KCNIP4: variants seen among roughly 807,000 people sequenced by gnomAD.
KCNIP4 encodes the protein Kv channel-interacting protein 4.
Under a neutral mutation model 34.0 loss-of-function variants are expected in KCNIP4, and 12 were observed. The ratio of observed to expected loss-of-function variants is 0.35; its 90% CI spans 0.23 to 0.57. KCNIP4 has a LOEUF of 0.57. Ranked by LOEUF, KCNIP4 falls within the 20% of genes least tolerant of loss-of-function variation. The pLI is 0.83. For synonymous variants in KCNIP4, 124 were observed against 102.2 expected (o/e 1.21, Z -1.29); for missense variants, 238 against 311.7 (o/e 0.76, Z 1.78).
chr4:21,669,567 T>G (rs1749308560), intron 1 of KCNIP4, among the ~76,000 whole-genome samples: 1 of 152,220 alleles, frequency 6.6e-6, no homozygotes, highest in African/African-American at 2.4e-5. Flanking sequence ...TCAAAAGTTT[T>G]ATGTGGATTT....
chr4:21,905,048 T>C (rs1192949343), intron 1 of KCNIP4, among the ~76,000 whole-genome samples: 2 of 152,238 alleles, frequency 1.3e-5, no homozygotes, highest in African/African-American at 2.4e-5. Context: ...TTCAATATTA[T>C]GCATAAGCAT....
chr4:21,061,138 CT>C lies in KCNIP4; in HGVS notation c.62-178430del, dbSNP rs1743883354. ...AGTACAGTAGATGAATGAAGAGAAA[CT>C]GCTTAACCCCCATTCTCTTAAAGAT... On this transcript the variant is annotated intron_variant, in intron 1 of 8. Transcript: ENST00000382152. Among the ~76,000 whole-genome samples, 4 of 152,134 alleles carry C rather than the reference CT, an allele frequency of 2.6e-5. No homozygotes were observed. In the South Asian group the frequency reaches 8.3e-4, roughly 31 times the overall value.
At chr4:20,798,792 AC>A (rs1365716733) in intron 3 of KCNIP4, among the ~76,000 whole-genome samples, 1 of 152,156 alleles carries the variant, frequency 6.6e-6, no homozygotes, top group African/African-American at 2.4e-5. Flanking sequence ...GCCACTGCAG[AC>A]ACCTGCAGCC....
chr4:21,010,212 G>A (rs1312407432), intron 1 of KCNIP4, among the ~76,000 whole-genome samples: 5 of 152,156 alleles, frequency 3.3e-5, no homozygotes, highest in Admixed American at 2.6e-4. Context: ...AGCACAAGGC[G>A]TCTTCTTTGA....
At chr4:21,685,900 T>G (rs140280854) in intron 1 of KCNIP4, among the ~76,000 whole-genome samples, 2 of 152,344 alleles carry the variant, frequency 1.3e-5, no homozygotes, top group African/African-American at 4.8e-5. Context: ...TTGCATGTAT[T>G]TGGGAACATA....
chr4:21,217,246 A>T (rs1332406104), intron 1 of KCNIP4, among the ~76,000 whole-genome samples: 1 of 152,196 alleles, frequency 6.6e-6, no homozygotes, highest in Non-Finnish European at 1.5e-5. Context: ...TCTCTGTGTC[A>T]GTCCCATAAT....
chr4:21,914,466 T>C (rs541506331), intron 1 of KCNIP4, among the ~76,000 whole-genome samples: 1 of 152,308 alleles, frequency 6.6e-6, no homozygotes, highest in Admixed American at 6.5e-5. Flanking sequence ...ACCAGTGTTC[T>C]GTCAGCCCCT....
intron 1 of KCNIP4, among the ~76,000 whole-genome samples, chr4:21,825,373 A>G (rs541550972): frequency 3.4e-4 from 52 of 152,292 alleles, no homozygotes; most frequent in Non-Finnish European, 5.0e-4. Context: ...TAAGTTTACC[A>G]TGGTAACTGC....
At chr4:21,912,652 A>G (rs1186939493) in intron 1 of KCNIP4, among the ~76,000 whole-genome samples, 1 of 152,146 alleles carries the variant, frequency 6.6e-6, no homozygotes, top group Non-Finnish European at 1.5e-5. Context: ...TGAGCTGGCC[A>G]TGTGCAAAGG....
chr4:21,733,096 T>C (rs889077711), intron 1 of KCNIP4, among the ~76,000 whole-genome samples: 1 of 152,296 alleles, frequency 6.6e-6, no homozygotes, highest in South Asian at 2.1e-4. Flanking sequence ...GTATAAGACT[T>C]TCCTTGGGCA....
At chr4:21,149,738 A>G (rs1752626285) in intron 1 of KCNIP4, among the ~76,000 whole-genome samples, 1 of 152,166 alleles carries the variant, frequency 6.6e-6, no homozygotes, top group Admixed American at 6.5e-5. Context: ...AGGAGAGTAT[A>G]ATGAAGTAAA....
intron 1 of KCNIP4, among the ~76,000 whole-genome samples, chr4:21,353,174 C>A (rs1404932542): frequency 6.6e-6 from 1 of 152,136 alleles, no homozygotes; most frequent in Non-Finnish European, 1.5e-5. Flanking sequence ...GTAGATAAAA[C>A]CACAAAGATG....
intron 5 of KCNIP4, among the ~76,000 whole-genome samples, chr4:20,748,073 T>C (rs2149331076): frequency 1.3e-5 from 2 of 152,260 alleles, no homozygotes; most frequent in East Asian, 3.9e-4. Flanking sequence ...TAGCTGCTAA[T>C]TACACTCCAT....
intron 1 of KCNIP4, among the ~76,000 whole-genome samples, chr4:21,396,481 G>A (rs1484641959): frequency 5.0e-5 from 7 of 139,522 alleles, no homozygotes; most frequent in East Asian, 2.1e-4. Context: ...GCCTGAACCC[G>A]GGAGGCGGAG....
chr4:21,826,387 A>G lies in KCNIP4; in HGVS notation c.61+122184T>C, dbSNP rs553485185. Among the ~76,000 whole-genome samples the G allele has an allele frequency of 5.0e-4, 76 of 152,192 alleles. 1 individual carries two copies. Among genetic ancestry groups the G allele is most frequent in the Admixed American group, 1.0e-3 (16 of 15,254 alleles). ...ATTTTGAAAGGCAGGATATTTCCAC[A>G]AAAGATTCACTTCTAAAACCCTTTA... is the stretch of plus-strand genomic sequence containing the variant. On this transcript the variant is annotated intron_variant, in intron 1 of 8. Transcript: ENST00000382152.
chr4:21,517,429 A>T (rs1004061463), intron 1 of KCNIP4, among the ~76,000 whole-genome samples: 1 of 152,190 alleles, frequency 6.6e-6, no homozygotes, highest in Non-Finnish European at 1.5e-5. Context: ...AATAACTAAA[A>T]TTAATCAGAA....
At chr4:21,139,709 ACTT>A (rs1475008837) in intron 1 of KCNIP4, among the ~76,000 whole-genome samples, 3 of 147,112 alleles carry the variant, frequency 2.0e-5, no homozygotes, top group East Asian at 2.0e-4. Flanking sequence ...ACACAGCTCA[ACTT>A]CTTCTGCTCG....
intron 1 of KCNIP4, among the ~76,000 whole-genome samples, chr4:21,922,308 T>C (rs1429204957): frequency 4.6e-5 from 7 of 152,128 alleles, no homozygotes; most frequent in Non-Finnish European, 7.4e-5. Flanking sequence ...CAAAATAACC[T>C]ACACTCTTTG....
chr4:21,857,948 T>C (rs1437393569), intron 1 of KCNIP4, among the ~76,000 whole-genome samples: 2 of 152,122 alleles, frequency 1.3e-5, no homozygotes, highest in Non-Finnish European at 2.9e-5. Context: ...TGCCACCACA[T>C]TCCCCAGTGC....
Sources: gnomAD v4.1 joint callset for allele counts (sites outside exome capture counted in the v4.1 genomes callset) on GRCh38, gnomAD v4.1.1 for gene constraint, MANE v1.5 for transcripts, NCBI Gene and HGNC (gene_info 2026-07-23, HGNC 2026-07-21) for gene names.